The following TPRA1 variants were observed in gnomAD, a reference collection of about 807,000 sequenced individuals.
TPRA1 encodes the protein transmembrane protein adipocyte associated 1, also known as transmembrane protein adipocyte-associated 1.
Under a neutral mutation model 40.1 loss-of-function variants are expected in TPRA1, and 28 were observed. The ratio of observed to expected loss-of-function variants is 0.70; its 90% CI spans 0.52 to 0.96. The LOEUF is 0.96. Ranked by LOEUF, TPRA1 falls within the 40% of genes least tolerant of loss-of-function variation. The pLI is 0.00. For missense variants in TPRA1, 441 were observed against 482.6 expected, an observed-to-expected ratio of 0.91 and a Z score of 0.81; for synonymous variants, 219 against 209.7, an observed-to-expected ratio of 1.04 and a Z score of -0.38.
chr3:127,592,328 C>T (rs1293739194), upstream of TPRA1, among the ~76,000 whole-genome samples: 6 of 150,106 alleles, frequency 4.0e-5, no homozygotes, highest in African/African-American at 1.5e-4. Context: ...CCTGCGAGCG[C>T]GCCGACACAC....
intron 1 of TPRA1, among the ~76,000 whole-genome samples, chr3:127,597,395 C>T (rs571471017): frequency 9.8e-5 from 15 of 152,386 alleles, no homozygotes; most frequent in Admixed American, 2.0e-4. Context: ...TCACGTCTCA[C>T]CCTGCTCAAA....
intron 1 of TPRA1, among the ~76,000 whole-genome samples, chr3:127,586,643 G>A (rs1489785747): frequency 6.6e-6 from 1 of 152,214 alleles, no homozygotes; most frequent in Non-Finnish European, 1.5e-5. Flanking sequence ...ACAGGTGTGG[G>A]CCACCATGAC....
At chr3:127,583,145 CAA>C (rs745975427) in intron 1 of TPRA1, among the ~76,000 whole-genome samples, 16 of 79,944 alleles carry the variant, frequency 2.0e-4, no homozygotes, top group African/African-American at 2.7e-4. Context: ...GACTCCGTCT[CAA>C]AAAAAAAAAA....
chr3:127,575,002 G>T (rs2073536866), intron 10 of TPRA1, 183 bp downstream of exon 10: 1 of 659,572 alleles, frequency 1.5e-6, no homozygotes, highest in Admixed American at 2.9e-5. Flanking sequence ...GGGTGGGTGT[G>T]CGTATATCTG....
At chr3:127,586,357 A>G (rs1389017588) in intron 1 of TPRA1, among the ~76,000 whole-genome samples, 1 of 151,976 alleles carries the variant, frequency 6.6e-6, no homozygotes, top group African/African-American at 2.4e-5. Flanking sequence ...TTATTCATAT[A>G]TTTTTCAGAC....
chr3:127,576,843 C>T lies in TPRA1; in HGVS notation c.396G>A (p.Val132=). The change falls in exon 5 of 11, where the codon GTG becomes GTA. Residue 132 remains valine (V), a synonymous_variant. Transcript: ENST00000355552. This position sits in a 1 kb window ranked among gnomAD's most constrained non-coding sequence, Gnocchi z 4.6. ...RFFLLAIELS[V]IILGLAFGHL... Reference sequence around the variant, plus strand: ...CACCAAAGGCCAGGCCCAGGATGATCACACTCAGCTCGATGGCCAGCAGGA... The same window carrying T: ...CACCAAAGGCCAGGCCCAGGATGATTACACTCAGCTCGATGGCCAGCAGGA... The T allele has an allele frequency of 6.2e-7, 1 of 1,613,884 alleles. No individual in the cohort carries two copies. The highest frequency in any genetic ancestry group is 8.5e-7 in the Non-Finnish European group (1 of 1,180,022).
intron 1 of TPRA1, among the ~76,000 whole-genome samples, chr3:127,585,112 T>G (rs561201241): frequency 6.6e-6 from 1 of 152,328 alleles, no homozygotes; most frequent in South Asian, 2.1e-4. Context: ...AGCCTTTGTT[T>G]CAACAGCTAG....
intron 10 of TPRA1, among the ~76,000 whole-genome samples, chr3:127,574,193 G>A (rs925530265): frequency 3.9e-5 from 6 of 152,148 alleles, no homozygotes; most frequent in South Asian, 2.1e-4. Flanking sequence ...CTCGTCCCTC[G>A]GCCCTCAGGG....
At chr3:127,597,873 T>C in intron 1 of TPRA1, 1 of 158,036 alleles carries the variant, frequency 6.3e-6, no homozygotes, top group Non-Finnish European at 1.4e-5. Flanking sequence ...AGTGGCGGGA[T>C]CTCGGCTCAC....
chr3:127,580,165 TG>T lies in TPRA1; in HGVS notation c.-17-3del. The T allele has an allele frequency of 6.2e-7, 1 of 1,609,478 alleles. No homozygotes were observed. On this transcript the variant is annotated splice_region_variant and splice_polypyrimidine_tract_variant and intron_variant, in intron 1 of 10. Transcript: ENST00000355552. ...TGTCCATCCCGCCAGCAGCCAGCCC[TG>T]GGGGAGTGAGAGCCGCCCAGTGAGC...
chr3:127,582,747 T>C (rs1400584287), intron 1 of TPRA1, among the ~76,000 whole-genome samples: 1 of 148,202 alleles, frequency 6.7e-6, no homozygotes, highest in East Asian at 2.0e-4. Flanking sequence ...ACACCTGTAA[T>C]CCCAGCACTT....
Position 127,572,437 on chromosome 3 carries a change from G to C in TPRA1, c.*1084C>G, listed in dbSNP as rs1472352333. 6.6e-6 allele frequency among the ~76,000 whole-genome samples: 1 copy of C among 152,200 alleles called. No homozygotes were observed. The highest frequency in any genetic ancestry group is 1.5e-5 in the Non-Finnish European group (1 of 68,042). ...AGCTCAAAGCCGAACTCAGGTACAA[G>C]GGCAGTGGCAGGGACAAGTGGGCCC... On this transcript the variant is annotated 3_prime_UTR_variant, in exon 11 of 11. Coordinates refer to ENST00000355552, the MANE Select transcript of TPRA1 (RefSeq NM_001136053.4).
At chr3:127,575,840 T>C (rs754244880) in intron 7 of TPRA1, 31 bp from the exon 8 acceptor site, 1 of 1,613,214 alleles carries the variant, frequency 6.2e-7, no homozygotes, top group South Asian at 1.1e-5. Flanking sequence ...GAGAAGGTGC[T>C]GGGGGCGCCA....
chr3:127,589,510 C>G (rs2074102248), intron 1 of TPRA1, among the ~76,000 whole-genome samples: 1 of 152,136 alleles, frequency 6.6e-6, no homozygotes, highest in Non-Finnish European at 1.5e-5. Context: ...CCCTGTTGTC[C>G]TTCGGCCTTG....
At chr3:127,577,924 G>A (rs1290437227) in intron 3 of TPRA1, among the ~76,000 whole-genome samples, 1 of 152,240 alleles carries the variant, frequency 6.6e-6, no homozygotes, top group Non-Finnish European at 1.5e-5. Context: ...GGGAAAGGCA[G>A]ACGGACAGCA....
chr3:127,587,314 A>C (rs1030012488), intron 1 of TPRA1: 1 of 152,080 alleles, frequency 6.6e-6, no homozygotes, highest in African/African-American at 2.4e-5. Flanking sequence ...ACGGATGGAG[A>C]CAGATCTTGA....
chr3:127,583,371 A>G (rs1210493251), intron 1 of TPRA1, among the ~76,000 whole-genome samples: 4 of 151,796 alleles, frequency 2.6e-5, no homozygotes, highest in African/African-American at 9.7e-5. Context: ...AGTGGTGCAT[A>G]CCTGTAGTCC....
At chr3:127,574,376 G>A (rs556683605) in intron 10 of TPRA1, among the ~76,000 whole-genome samples, 6 of 152,362 alleles carry the variant, frequency 3.9e-5, no homozygotes, top group Middle Eastern at 3.4e-3. Flanking sequence ...GGTGAGAAAG[G>A]GGGGACAAAA....
chr3:127,598,137 G>A, exon 1 of TPRA1: 1 of 449,468 alleles, frequency 2.2e-6, no homozygotes, highest in Non-Finnish European at 4.1e-6. Context: ...TGGCCCTGGT[G>A]TGACCGAGGT....
Sources: gnomAD v4.1 joint callset for allele counts (sites outside exome capture counted in the v4.1 genomes callset) on GRCh38, gnomAD v4.1.1 for gene constraint, Gnocchi (gnomAD v3.1) non-coding constraint, MANE v1.5 for transcripts, NCBI Gene and HGNC (gene_info 2026-07-23, HGNC 2026-07-21) for gene names.